The following MINDY2 variants were observed in gnomAD, a reference collection of about 807,000 sequenced individuals.
MINDY2 encodes the protein ubiquitin carboxyl-terminal hydrolase MINDY-2.
In MINDY2, 52 loss-of-function variants were observed where a neutral mutation model predicts 68.2. That is an observed-to-expected ratio of 0.76 (90% CI 0.61 to 0.96). MINDY2 has a LOEUF of 0.96. MINDY2 is among the 40% of genes least tolerant of loss of function. The probability of loss-of-function intolerance (pLI) is 0.00; values close to 1 mark genes in which losing one functional copy is unlikely to be tolerated. For synonymous variants in MINDY2, 372 were observed against 303.0 expected, an observed-to-expected ratio of 1.23 and a Z score of -2.36; for missense variants, 881 against 773.4, an observed-to-expected ratio of 1.14 and a Z score of -1.65.
In MINDY2 at chr15:58,771,363, G is replaced by C; in HGVS notation, c.-33G>C. Reference sequence around the variant, plus strand: ...GCGCTGGCTGCGGAGAAGTGGCCGCGGTCTCCATAGAGCTGGGGGCGGGCG... The same window carrying C: ...GCGCTGGCTGCGGAGAAGTGGCCGCCGTCTCCATAGAGCTGGGGGCGGGCG... On this transcript the variant is annotated 5_prime_UTR_variant, in exon 1 of 9. Transcript: ENST00000559228. 6.3e-7 allele frequency: 1 copy of C among 1,580,142 alleles called. No homozygotes were observed. The highest frequency in any genetic ancestry group is 1.1e-5 in the South Asian group (1 of 87,926).
intron 1 of MINDY2, among the ~76,000 whole-genome samples, chr15:58,782,088 C>A (rs556902847): frequency 7.9e-5 from 12 of 151,870 alleles, no homozygotes; most frequent in Middle Eastern, 3.2e-3. Flanking sequence ...TTGCTGGAGC[C>A]AGAATTAAAG....
chr15:58,811,502 C>G (rs1198928752), intron 4 of MINDY2, among the ~76,000 whole-genome samples: 2 of 152,166 alleles, frequency 1.3e-5, no homozygotes, highest in Non-Finnish European at 2.9e-5. Flanking sequence ...CTAGCAACAG[C>G]AGAAAATAAT....
rs565786025 is a variant in MINDY2 at position 58,831,041 on chromosome 15, G to GTGTGTATATATATATATATA, written c.1226-732_1226-731insGTGTATATATATATATATAT. Among the ~76,000 whole-genome samples, 755 of 124,706 alleles carry GTGTGTATATATATATATATA rather than the reference G, an allele frequency of 6.1e-3. 4 individuals are homozygous for GTGTGTATATATATATATATA. The highest frequency in any genetic ancestry group is 0.011 in the South Asian group (44 of 3,994). 81.8% of individuals were successfully genotyped at this position (124,706 alleles called of 152,430 possible). A position where few individuals can be genotyped will look rare whatever the true frequency, so the allele number is the denominator to read the frequency against. ...TGTGTGTGTGTGTGTGTGTGTGTGT[G>GTGTGTATATATATATATATA]TATATATATATATATATATGTTTTA... On this transcript the variant is annotated intron_variant, in intron 5 of 8. Transcript: ENST00000559228.
chr15:58,837,964 CT>C (rs2032080357), intron 6 of MINDY2, among the ~76,000 whole-genome samples: 2 of 80,184 alleles, frequency 2.5e-5, no homozygotes, highest in East Asian at 3.6e-4. Context: ...GTAAGACCTT[CT>C]TTCAAAAAAA....
In MINDY2 at chr15:58,849,251, G is replaced by A. The variant is rs1434321328; in HGVS notation, c.1542+1781G>A. On this transcript the variant is annotated intron_variant, in intron 7 of 8. Coordinates refer to ENST00000559228, the MANE Select transcript of MINDY2 (RefSeq NM_001040450.3). ...GGCACGGTGGCTCACACCTATAGTC[G>A]CAGCACTTTGGGAGGCCAAGGCGGG... Among the ~76,000 whole-genome samples the A allele has an allele frequency of 2.0e-5, 3 of 149,712 alleles. No individual in the cohort carries two copies. The Admixed American group carries it at 2.0e-4, about 10-fold the overall frequency.
chr15:58,827,959 G>A (rs1326758218), intron 5 of MINDY2, among the ~76,000 whole-genome samples: 2 of 151,872 alleles, frequency 1.3e-5, no homozygotes, highest in Non-Finnish European at 2.9e-5. Flanking sequence ...TGGGCTGGGC[G>A]CAGTGGCTCA....
intron 5 of MINDY2, among the ~76,000 whole-genome samples, chr15:58,831,037 G>GTATATATATATATATATA (rs549317915): frequency 2.7e-5 from 3 of 110,396 alleles, no homozygotes; most frequent in Middle Eastern, 4.5e-3. Context: ...GTGTGTGTGT[G>GTATATATATATATATATA]TGTGTATATA....
At chr15:58,802,990 G>A (rs1415590091) in intron 3 of MINDY2, among the ~76,000 whole-genome samples, 1 of 152,146 alleles carries the variant, frequency 6.6e-6, no homozygotes, top group Non-Finnish European at 1.5e-5. Context: ...TTCTTAGAGT[G>A]GAAGGAAGTA....
rs146792926 is a variant in MINDY2, at chr15:58,841,127, G to A, written c.1369-6170G>A. 6.5e-3 allele frequency among the ~76,000 whole-genome samples: 985 copies of A among 151,368 alleles called. 3 individuals carry two copies. The highest frequency in any genetic ancestry group is 9.9e-3 in the Non-Finnish European group (673 of 67,874). ...CTCCTGAGTAGCTGGGATTATAGGC[G>A]CGCACCACCATGTCCAGCTAATTTT... On this transcript the variant is annotated intron_variant, in intron 6 of 8. Transcript: ENST00000559228.
intron 4 of MINDY2, among the ~76,000 whole-genome samples, chr15:58,818,501 C>T (rs1179068027): frequency 6.6e-6 from 1 of 152,072 alleles, no homozygotes; most frequent in Non-Finnish European, 1.5e-5. Flanking sequence ...AGCCGTCCTC[C>T]CCTGCTAGCC....
In MINDY2 at chr15:58,838,034, C is replaced by A. The variant is rs551262366; in HGVS notation, c.1368+6118C>A. ...CGTCACAGTGTTTTCCATCTTTCTA[C>A]TCCTGTGAACTCTTTCTCTTTGGAA... On this transcript the variant is annotated intron_variant, in intron 6 of 8. Coordinates refer to ENST00000559228, the MANE Select transcript of MINDY2 (RefSeq NM_001040450.3). Among the ~76,000 whole-genome samples, 38 of 149,276 alleles carry A rather than the reference C, an allele frequency of 2.5e-4. 3 individuals are homozygous for A. The South Asian group carries it at 7.9e-3, about 31-fold the overall frequency.
chr15:58,799,129 G>T (rs1902470092), intron 2 of MINDY2, among the ~76,000 whole-genome samples: 1 of 152,190 alleles, frequency 6.6e-6, no homozygotes, highest in African/African-American at 2.4e-5. Context: ...TGTAGGCAAA[G>T]AAATTCTGAA....
chr15:58,787,026 C>T (rs978446962), intron 1 of MINDY2, among the ~76,000 whole-genome samples: 1 of 152,026 alleles, frequency 6.6e-6, no homozygotes. Context: ...GGCAGGGTTT[C>T]ACCATGTTGG....
rs2032249904 is a variant in MINDY2 at position 58,840,945 on chromosome 15, G to C, written c.1369-6352G>C. Among the ~76,000 whole-genome samples the C allele has an allele frequency of 4.0e-5, 6 of 148,364 alleles. 1 individual carries two copies. The South Asian group carries it at 1.3e-3, about 32-fold the overall frequency. ...GGCCTCCCAAAGTGCTGGAATTACA[G>C]GTGTAAGCCACTGCGCCTGGCCAAT... On this transcript the variant is annotated intron_variant, in intron 6 of 8. Transcript: ENST00000559228.
chr15:58,823,853 T>C (rs1314929293), intron 5 of MINDY2, among the ~76,000 whole-genome samples: 1 of 152,308 alleles, frequency 6.6e-6, no homozygotes, highest in East Asian at 1.9e-4. Flanking sequence ...CTAGAATGTA[T>C]GGGGAAAAAA....
At chr15:58,818,942 AT>A (rs1381372717) in intron 4 of MINDY2, among the ~76,000 whole-genome samples, 4 of 151,968 alleles carry the variant, frequency 2.6e-5, no homozygotes, top group Non-Finnish European at 5.9e-5. Context: ...TGCCCAGCCT[AT>A]TGATCTTGTG....
intron 1 of MINDY2, among the ~76,000 whole-genome samples, chr15:58,778,522 A>C (rs1900917158): frequency 6.6e-6 from 1 of 151,732 alleles, no homozygotes; most frequent in South Asian, 2.1e-4. Flanking sequence ...AAAAGCTTAA[A>C]AAAACAGACA....
chr15:58,831,770 A>G lies in MINDY2; in HGVS notation c.1226-4A>G, dbSNP rs1219789592. ...CTATCTAATGTTATGCATTGGTTCTATAGGCTTTGTAGCTGAGCAGTTTCT... is the reference window on the plus strand; with the variant it reads ...CTATCTAATGTTATGCATTGGTTCTGTAGGCTTTGTAGCTGAGCAGTTTCT... On this transcript the variant is annotated splice_region_variant and splice_polypyrimidine_tract_variant and intron_variant, in intron 5 of 8. Coordinates refer to ENST00000559228, the MANE Select transcript of MINDY2 (RefSeq NM_001040450.3). The G allele has an allele frequency of 5.0e-6, 8 of 1,609,316 alleles. No homozygotes were observed. The highest frequency in any genetic ancestry group is 6.8e-6 in the Non-Finnish European group (8 of 1,178,554).
chr15:58,775,286 C>T (rs1900706047), intron 1 of MINDY2, among the ~76,000 whole-genome samples: 1 of 151,958 alleles, frequency 6.6e-6, no homozygotes, highest in African/African-American at 2.4e-5. Context: ...TATTGGGGGT[C>T]CTCAATCATT....
Sources: gnomAD v4.1 joint callset for allele counts (sites outside exome capture counted in the v4.1 genomes callset) on GRCh38, gnomAD v4.1.1 for gene constraint, MANE v1.5 for transcripts, NCBI Gene and HGNC (gene_info 2026-07-23, HGNC 2026-07-21) for gene names.